The following MED13L variants were observed in gnomAD, a reference collection of about 807,000 sequenced individuals.
MED13L encodes the protein mediator of RNA polymerase II transcription subunit 13-like.
MED13L carries 7 observed loss-of-function variants against 220.9 expected under a neutral mutation model. The observed-to-expected ratio is 0.03, with a 90% CI of 0.02 to 0.06. The LOEUF is 0.06. Ranked by LOEUF, MED13L falls within the 10% of genes least tolerant of loss-of-function variation. The pLI is 1.00. For missense variants in MED13L, 1,965 were observed against 2,760.5 expected, an observed-to-expected ratio of 0.71 and a Z score of 6.46; for synonymous variants, 1,011 against 1,015.2, an observed-to-expected ratio of 1.00 and a Z score of 0.08.
chr12:116,163,964 AG>A (rs1469229735), intron 2 of MED13L, among the ~76,000 whole-genome samples: 1 of 152,240 alleles, frequency 6.6e-6, no homozygotes, highest in Non-Finnish European at 1.5e-5. Context: ...GGACAAAAGA[AG>A]TAAAACTGAA....
At chr12:115,996,984 G>A in intron 15 of MED13L, 26 bp downstream of exon 15, 1 of 1,594,974 alleles carries the variant, frequency 6.3e-7, no homozygotes, top group African/African-American at 1.3e-5. Flanking sequence ...GCTCTGCCCT[G>A]GAAATGTTAA....
chr12:116,061,308 A>G (rs962860271), intron 4 of MED13L, among the ~76,000 whole-genome samples: 1 of 152,186 alleles, frequency 6.6e-6, no homozygotes, highest in African/African-American at 2.4e-5. Flanking sequence ...TTAAATATAG[A>G]GTAGTTACAA....
chr12:116,272,425 T>C (rs137918062), intron 1 of MED13L, among the ~76,000 whole-genome samples: 3 of 152,136 alleles, frequency 2.0e-5, no homozygotes, highest in South Asian at 4.1e-4. Context: ...TAGACAGGCA[T>C]GGTGGCAGGC....
chr12:116,135,155 C>T (rs774558053), intron 2 of MED13L, among the ~76,000 whole-genome samples: 52 of 152,084 alleles, frequency 3.4e-4, no homozygotes, highest in Admixed American at 3.3e-3. Context: ...GGCAACAGAG[C>T]GAGACCCCGT....
chr12:116,172,958 C>T (rs770886361), intron 2 of MED13L, among the ~76,000 whole-genome samples: 5 of 151,020 alleles, frequency 3.3e-5, no homozygotes, highest in Admixed American at 6.6e-5. Context: ...AGTACTATTC[C>T]GTGCTATACA....
chr12:116,086,134 G>A (rs1429258961), intron 4 of MED13L, among the ~76,000 whole-genome samples: 2 of 152,120 alleles, frequency 1.3e-5, no homozygotes, highest in African/African-American at 2.4e-5. Flanking sequence ...AAGTATATAC[G>A]AGGGCAGAGT....
chr12:116,134,464 A>G (rs1337201489), intron 2 of MED13L, among the ~76,000 whole-genome samples: 4 of 152,292 alleles, frequency 2.6e-5, no homozygotes, highest in Admixed American at 2.0e-4. Flanking sequence ...TCAGCGGTGA[A>G]GCAAACTGGC....
At chr12:116,015,340 A>G (rs1179832470) in intron 7 of MED13L, 66 bp from the exon 8 acceptor site, 1 of 1,515,384 alleles carries the variant, frequency 6.6e-7, no homozygotes, top group Non-Finnish European at 9.2e-7. Context: ...ATAGACTGCT[A>G]TCTTATTAAC....
intron 19 of MED13L, among the ~76,000 whole-genome samples, chr12:115,985,976 A>G (rs1877662012): frequency 6.6e-6 from 1 of 152,182 alleles, no homozygotes; most frequent in South Asian, 2.1e-4. Context: ...CTGGTGAGCA[A>G]TATTCTTCAA....
intron 2 of MED13L, among the ~76,000 whole-genome samples, chr12:116,149,925 AAAAG>A (rs1490729682): frequency 6.6e-6 from 1 of 152,252 alleles, no homozygotes; most frequent in African/African-American, 2.4e-5. Context: ...GGAAGACAGA[AAAAG>A]AAAGGTGTGA....
intron 4 of MED13L, chr12:116,082,763 G>A (rs1871321333): frequency 6.6e-6 from 1 of 151,988 alleles, no homozygotes; most frequent in East Asian, 1.9e-4. Context: ...GGTCCTAATA[G>A]TCAACAGGCC....
chr12:116,175,543 C>T (rs1199652524), intron 2 of MED13L, among the ~76,000 whole-genome samples: 1 of 152,162 alleles, frequency 6.6e-6, no homozygotes, highest in African/African-American at 2.4e-5. Flanking sequence ...AGTTCAGTTT[C>T]TGAACCCAGG....
Position 116,155,106 on chromosome 12 carries a change from C to T in MED13L, c.311-43594G>A, listed in dbSNP as rs1238952875. Among the ~76,000 whole-genome samples, 5 of 152,092 alleles carry T rather than the reference C, an allele frequency of 3.3e-5. No homozygotes were observed. The East Asian group carries it at 5.8e-4, about 18-fold the overall frequency. Reference sequence around the variant, plus strand: ...CCTCCGTAAGTGTTGGGATTACAGGCGTGAGCCACCACCACCGGCCAAGAT... The same window carrying T: ...CCTCCGTAAGTGTTGGGATTACAGGTGTGAGCCACCACCACCGGCCAAGAT... On this transcript the variant is annotated intron_variant, in intron 2 of 30. Coordinates refer to ENST00000281928, the MANE Select transcript of MED13L (RefSeq NM_015335.5).
intron 1 of MED13L, among the ~76,000 whole-genome samples, chr12:116,240,523 G>A (rs1441140073): frequency 6.6e-6 from 1 of 150,834 alleles, no homozygotes; most frequent in Non-Finnish European, 1.5e-5. Context: ...AAGGTAAGCA[G>A]AAGATTTATT....
At position 116,000,089 on chromosome 12, in the gene MED13L, A is replaced by G. The variant is rs147542522; in HGVS notation, c.2570-2859T>C. Among the ~76,000 whole-genome samples, 9 of 152,346 alleles carry G rather than the reference A, an allele frequency of 5.9e-5. No homozygotes were observed. The East Asian group carries it at 1.5e-3, about 26-fold the overall frequency. On this transcript the variant is annotated intron_variant, in intron 14 of 30. Transcript: ENST00000281928. Reference sequence around the variant, plus strand: ...ACATCTAAACATTCAGCAAATGATGAACTCAGTACAAATTAATTCTCCCTC... The same window carrying G: ...ACATCTAAACATTCAGCAAATGATGGACTCAGTACAAATTAATTCTCCCTC...
intron 28 of MED13L, 113 bp from the exon 29 acceptor site, chr12:115,966,356 T>C: frequency 8.0e-7 from 1 of 1,245,416 alleles, no homozygotes; most frequent in Non-Finnish European, 1.1e-6. Flanking sequence ...TGTGGCAGCA[T>C]CTCACAGAAA....
rs868669802 is a variant in MED13L at position 115,960,285 on chromosome 12, A to C, written c.*981T>G. 1 of 152,650 alleles carries C rather than the reference A, an allele frequency of 6.6e-6. No individual in the cohort carries two copies. The highest frequency in any genetic ancestry group is 6.5e-5 in the Admixed American group (1 of 15,280). 9.5% of individuals were successfully genotyped at this position (152,650 alleles called of 1,614,324 possible). ...AATGAGAGGAGAGACCTGGCTTCCA[A>C]TAAGAATTCACTAGAAAATATATTT... On this transcript the variant is annotated 3_prime_UTR_variant, in exon 31 of 31. Coordinates refer to ENST00000281928, the MANE Select transcript of MED13L (RefSeq NM_015335.5).
Position 115,991,950 on chromosome 12 carries a change from G to A in MED13L, c.3004C>T (p.Pro1002Ser), listed in dbSNP as rs1242813136. The A allele has an allele frequency of 6.3e-7, 1 of 1,599,236 alleles. No individual in the cohort carries two copies. The highest frequency in any genetic ancestry group is 2.2e-5 in the East Asian group (1 of 44,814). The part of the protein sequence containing the change: ...TFIRDGYNNV[P>S]SVGSLADPDY... ...GGATCTGCTAGGCTCCCAACACTAG[G>A]CACGTTACTACAAAAAGAGAAGGCA... Residue 1002 changes from proline to serine, a missense_variant, in exon 17 of 31, where the codon CCT becomes TCT. Pro to Ser is a moderately conservative substitution (Grantham distance 74). This residue lies in a region of MED13L where 233 missense variants were observed against 306.2 expected (regional missense o/e 0.76). Transcript: ENST00000281928. This position sits in a 1 kb window ranked among gnomAD's most constrained non-coding sequence, Gnocchi z 7.7.
chr12:116,229,098 T>TA (rs1360992352), intron 2 of MED13L, among the ~76,000 whole-genome samples: 6 of 152,242 alleles, frequency 3.9e-5, no homozygotes, highest in East Asian at 1.9e-4. Context: ...TTCTAAATCT[T>TA]AAAGTTTTCT....
Sources: allele counts gnomAD v4.1 joint callset (sites outside exome capture counted in the v4.1 genomes callset), GRCh38; gene constraint gnomAD v4.1.1; regional missense constraint gnomAD v4.1.1; non-coding constraint Gnocchi (gnomAD v3.1); transcripts MANE v1.5; gene names NCBI Gene and HGNC (gene_info 2026-07-23, HGNC 2026-07-21).